SNTG1: variants seen among roughly 807,000 people sequenced by gnomAD.
SNTG1 encodes syntrophin gamma 1, also known as gamma-1-syntrophin.
SNTG1 carries 39 observed loss-of-function variants against 74.7 expected under a neutral mutation model. The ratio of observed to expected loss-of-function variants is 0.52; its 90% CI spans 0.40 to 0.68. SNTG1 has a LOEUF of 0.68. Among genes scored for constraint, SNTG1 ranks in the 30% least tolerant of loss-of-function variants. SNTG1 has a pLI of 0.00. For missense variants in SNTG1, 685 were observed against 609.5 expected (o/e 1.12, Z -1.30); for synonymous variants, 254 against 217.1 (o/e 1.17, Z -1.49).
chr8:50,060,552 C>T (rs921645339), intron 1 of SNTG1, among the ~76,000 whole-genome samples: 13 of 150,906 alleles, frequency 8.6e-5, no homozygotes, highest in Non-Finnish European at 1.8e-4. Flanking sequence ...GATTTCTTCC[C>T]TTTTTTTTTC....
At chr8:50,302,876 A>G (rs971002502) in intron 2 of SNTG1, among the ~76,000 whole-genome samples, 1 of 152,142 alleles carries the variant, frequency 6.6e-6, no homozygotes, top group African/African-American at 2.4e-5. Context: ...GTCAATTTCT[A>G]GTGTTCTGAA....
At chr8:50,628,400 ATTGT>A (rs2094971952) in intron 13 of SNTG1, among the ~76,000 whole-genome samples, 2 of 151,988 alleles carry the variant, frequency 1.3e-5, no homozygotes, top group Non-Finnish European at 2.9e-5. Flanking sequence ...TTTTTCTGTA[ATTGT>A]TTGTTTATAT....
At chr8:50,364,011 A>G (rs1409288682) in intron 2 of SNTG1, among the ~76,000 whole-genome samples, 1 of 152,172 alleles carries the variant, frequency 6.6e-6, no homozygotes, top group African/African-American at 2.4e-5. Context: ...ATATGCACCA[A>G]TCCCTGAGGC....
At chr8:50,116,585 G>A (rs2080832564) in intron 1 of SNTG1, among the ~76,000 whole-genome samples, 2 of 152,120 alleles carry the variant, frequency 1.3e-5, no homozygotes, top group South Asian at 4.1e-4. Flanking sequence ...TAAGAATTTT[G>A]AATATACACC....
intron 1 of SNTG1, among the ~76,000 whole-genome samples, chr8:50,034,706 A>T (rs1290728819): frequency 1.3e-5 from 2 of 152,164 alleles, no homozygotes; most frequent in African/African-American, 4.8e-5. Context: ...CACTAATGAC[A>T]GCTGATGAGC....
intron 2 of SNTG1, among the ~76,000 whole-genome samples, chr8:50,367,883 T>A (rs1003872269): frequency 4.6e-5 from 7 of 152,128 alleles, no homozygotes; most frequent in African/African-American, 1.7e-4. Context: ...ACTGCTGCTA[T>A]AACTAATACC....
Position 49,953,903 on chromosome 8 carries a change from A to G in SNTG1, c.-103+41672A>G, listed in dbSNP as rs564848575. On this transcript the variant is annotated intron_variant, in intron 1 of 18. Coordinates refer to ENST00000642720, the MANE Select transcript of SNTG1 (RefSeq NM_018967.5). Reference sequence around the variant, plus strand: ...TGAAATTATTTTATGTAGTAATTGCATAACTACAACTTGCTGCTTTTTCCT... The same window carrying G: ...TGAAATTATTTTATGTAGTAATTGCGTAACTACAACTTGCTGCTTTTTCCT... 1.3e-3 allele frequency among the ~76,000 whole-genome samples: 204 copies of G among 152,364 alleles called. 6 individuals are homozygous for G. The South Asian group carries it at 0.039, about 29-fold the overall frequency.
At chr8:50,118,102 A>G (rs1232226668) in intron 1 of SNTG1, among the ~76,000 whole-genome samples, 1 of 152,166 alleles carries the variant, frequency 6.6e-6, no homozygotes, top group Non-Finnish European at 1.5e-5. Flanking sequence ...ATTTGATAAT[A>G]AAAAATAAGG....
intron 13 of SNTG1, among the ~76,000 whole-genome samples, chr8:50,591,988 T>C (rs2094694852): frequency 6.6e-6 from 1 of 152,202 alleles, no homozygotes; most frequent in South Asian, 2.1e-4. Context: ...CAGCTTCTGC[T>C]TACTTGCTCT....
chr8:50,085,783 A>T (rs1822827898), intron 1 of SNTG1, among the ~76,000 whole-genome samples: 1 of 152,208 alleles, frequency 6.6e-6, no homozygotes, highest in South Asian at 2.1e-4. Flanking sequence ...GGAACTCCAC[A>T]TGCTCTCACA....
At chr8:50,174,466 C>T (rs942032538) in intron 2 of SNTG1, among the ~76,000 whole-genome samples, 1 of 152,086 alleles carries the variant, frequency 6.6e-6, no homozygotes, top group Admixed American at 6.6e-5. Flanking sequence ...AGTGTAAAAG[C>T]GTTAAACAGT....
At chr8:50,271,920 A>C (rs2087801143) in intron 2 of SNTG1, among the ~76,000 whole-genome samples, 1 of 152,192 alleles carries the variant, frequency 6.6e-6, no homozygotes, top group South Asian at 2.1e-4. Flanking sequence ...CAAAACCCTC[A>C]TGGGTGAGAT....
chr8:49,953,469 C>T (rs908458655), intron 1 of SNTG1, among the ~76,000 whole-genome samples: 1 of 152,182 alleles, frequency 6.6e-6, no homozygotes, highest in Non-Finnish European at 1.5e-5. Context: ...CCATACAGGT[C>T]AGGGTCCCAG....
Position 50,651,081 on chromosome 8 carries a change from A to C in SNTG1, c.850-5828A>C, listed in dbSNP as rs182856472. Among the ~76,000 whole-genome samples, 532 of 152,296 alleles carry C rather than the reference A, an allele frequency of 3.5e-3. 4 individuals are homozygous for C. Among genetic ancestry groups the C allele is most frequent in the African/African-American group, 9.0e-3 (374 of 41,562 alleles). ...ATAATTATAATATCTGTAGGATCTG[A>C]TATCATGGATATTAGTAATTTATGC... On this transcript the variant is annotated intron_variant, in intron 13 of 18. Transcript: ENST00000642720.
chr8:50,491,369 G>T (rs2131883236), intron 8 of SNTG1: 1 of 152,478 alleles, frequency 6.6e-6, no homozygotes, highest in East Asian at 1.9e-4. Flanking sequence ...GTACGGGAAA[G>T]AAAACAGCCA....
intron 2 of SNTG1, among the ~76,000 whole-genome samples, chr8:50,361,507 G>A (rs888457655): frequency 6.6e-6 from 1 of 152,070 alleles, no homozygotes; most frequent in Non-Finnish European, 1.5e-5. Context: ...CAAACCTTTT[G>A]TTTGCTTGTT....
At chr8:50,744,349 A>C (rs879406403) in intron 17 of SNTG1, among the ~76,000 whole-genome samples, 1 of 152,042 alleles carries the variant, frequency 6.6e-6, no homozygotes, top group Non-Finnish European at 1.5e-5. Context: ...ACATAAAGAG[A>C]ATAAAATAAT....
At chr8:50,484,154 TTCCTTCCTTCCTTCC>T (rs2093767492) in intron 8 of SNTG1, among the ~76,000 whole-genome samples, 4 of 37,398 alleles carry the variant, frequency 1.1e-4, no homozygotes, top group East Asian at 1.3e-3. Flanking sequence ...CTTTCTTTCC[TTCCTTCCTTCCTTCC>T]TTCCTTCCTT....
chr8:50,226,148 T>G (rs1270203747), intron 2 of SNTG1, among the ~76,000 whole-genome samples: 1 of 152,150 alleles, frequency 6.6e-6, no homozygotes, highest in Non-Finnish European at 1.5e-5. Context: ...TATGCAAATG[T>G]TATATATATT....
Sources: gnomAD v4.1 joint callset for allele counts (sites outside exome capture counted in the v4.1 genomes callset) on GRCh38, gnomAD v4.1.1 for gene constraint, MANE v1.5 for transcripts, NCBI Gene and HGNC (gene_info 2026-07-23, HGNC 2026-07-21) for gene names.